MAP3K7CL: variants seen among roughly 807,000 people sequenced by gnomAD.
MAP3K7CL encodes the protein MAP3K7 C-terminal like, also known as MAP3K7 C-terminal-like protein.
In MAP3K7CL, 16 loss-of-function variants were observed where a neutral mutation model predicts 18.6. The ratio of observed to expected loss-of-function variants is 0.86; its 90% confidence interval spans 0.58 to 1.31. The LOEUF is 1.31. Among genes scored for constraint, MAP3K7CL ranks in the 50% most tolerant of loss-of-function variants. MAP3K7CL has a pLI of 0.00. For synonymous variants in MAP3K7CL, 65 were observed against 66.8 expected (o/e 0.97, Z 0.13); for missense variants, 163 against 174.4 (o/e 0.93, Z 0.37).
chr21:29,103,634 C>G (rs1248168057), intron 4 of MAP3K7CL, among the ~76,000 whole-genome samples: 1 of 151,980 alleles, frequency 6.6e-6, no homozygotes, highest in Admixed American at 6.6e-5. Flanking sequence ...ACTTGGGAAG[C>G]TGAGGCAGGA....
upstream of MAP3K7CL, among the ~76,000 whole-genome samples, chr21:29,081,426 G>A (rs2085832893): frequency 6.6e-6 from 1 of 152,196 alleles, no homozygotes; most frequent in Admixed American, 6.5e-5. Context: ...GGTGGCAGGC[G>A]CCTGTAGTCC....
At chr21:29,089,168 C>CAAAAA (rs748166183) in intron 1 of MAP3K7CL, among the ~76,000 whole-genome samples, 1,407 of 68,400 alleles carry the variant, frequency 0.021, 243 homozygotes, top group African/African-American at 0.05. Flanking sequence ...GACTCCGTCT[C>CAAAAA]AAAAAAAAAA....
chr21:29,094,715 G>C (rs2086090719), intron 4 of MAP3K7CL, among the ~76,000 whole-genome samples: 1 of 152,160 alleles, frequency 6.6e-6, no homozygotes. Context: ...TCCCATACCA[G>C]ACTCGGTGCA....
chr21:29,126,457 G>T (rs577339832), upstream of MAP3K7CL, among the ~76,000 whole-genome samples: 14 of 151,984 alleles, frequency 9.2e-5, no homozygotes, highest in South Asian at 2.9e-3. Flanking sequence ...CTGTTTTTTT[G>T]TTTGTTTGTT....
At chr21:29,143,419 C>CT (rs988052481) in intron 2 of MAP3K7CL, among the ~76,000 whole-genome samples, 6 of 150,522 alleles carry the variant, frequency 4.0e-5, no homozygotes, top group African/African-American at 7.3e-5. Flanking sequence ...AACCTAAACA[C>CT]TTTTTTTTTC....
chr21:29,081,057 G>A (rs73899307), upstream of MAP3K7CL, among the ~76,000 whole-genome samples: 453 of 152,112 alleles, frequency 3.0e-3, 1 homozygote, highest in African/African-American at 0.011. Context: ...TATCAGGAAA[G>A]GTTTTAAGAC....
At chr21:29,130,486 A>C (rs998552130), upstream of MAP3K7CL, 4 of 528,254 alleles carry the variant, frequency 7.6e-6, no homozygotes, top group Admixed American at 6.4e-5. Flanking sequence ...CGATTGGGTC[A>C]CGCTGAAGAC....
chr21:29,151,200 G>A (rs1422981916), intron 3 of MAP3K7CL, among the ~76,000 whole-genome samples: 1 of 151,798 alleles, frequency 6.6e-6, no homozygotes, highest in Non-Finnish European at 1.5e-5. Context: ...CATTGGCCCG[G>A]TGCCGTGGCT....
rs572675157 is a variant in MAP3K7CL, at chr21:29,136,988, C to G, written c.70+3574C>G. ...AACACTATTTGTATGATCATTCCAC[C>G]TTGCTGAAATTCAGTTTCCTGTAAG... On this transcript the variant is annotated intron_variant, in intron 2 of 4. Coordinates refer to ENST00000399928, the MANE Select transcript of MAP3K7CL (RefSeq NM_001286620.2). 2.6e-5 allele frequency among the ~76,000 whole-genome samples: 4 copies of G among 152,356 alleles called. No homozygotes were observed. The East Asian group carries it at 5.8e-4, about 22-fold the overall frequency.
At chr21:29,108,680 C>G (rs2086366806) in intron 4 of MAP3K7CL, among the ~76,000 whole-genome samples, 1 of 152,106 alleles carries the variant, frequency 6.6e-6, no homozygotes, top group Non-Finnish European at 1.5e-5. Context: ...CCTCATTTGT[C>G]AAATTAGCAT....
At chr21:29,085,989 T>TG (rs1791407926) in intron 1 of MAP3K7CL, 7 of 1,527,762 alleles carry the variant, frequency 4.6e-6, no homozygotes, top group Non-Finnish European at 6.3e-6. Context: ...GAAAACAGGG[T>TG]GGGAAAAATG....
intron 4 of MAP3K7CL, among the ~76,000 whole-genome samples, chr21:29,093,790 C>T (rs1309621497): frequency 6.6e-6 from 1 of 152,094 alleles, no homozygotes; most frequent in Non-Finnish European, 1.5e-5. Context: ...CGCGCCCGGC[C>T]GAGAAGGACC....
At chr21:29,161,808 G>A (rs1478275752) in intron 4 of MAP3K7CL, among the ~76,000 whole-genome samples, 3 of 152,130 alleles carry the variant, frequency 2.0e-5, no homozygotes, top group East Asian at 3.8e-4. Context: ...AATGGTGGTC[G>A]GACAGTATAG....
intron 3 of MAP3K7CL, among the ~76,000 whole-genome samples, chr21:29,157,447 G>T (rs1042279512): frequency 1.3e-5 from 2 of 152,152 alleles, no homozygotes; most frequent in African/African-American, 4.8e-5. Flanking sequence ...TCAAGTTGAA[G>T]GCTTAGTTTT....
At chr21:29,149,000 G>A (rs963787061) in intron 2 of MAP3K7CL, among the ~76,000 whole-genome samples, 189 bp from the exon 3 acceptor site, 16 of 152,044 alleles carry the variant, frequency 1.1e-4, no homozygotes, top group Non-Finnish European at 1.6e-4. Context: ...TTGTTCAGGC[G>A]ACCTAAGCTC....
intron 4 of MAP3K7CL, among the ~76,000 whole-genome samples, chr21:29,108,286 T>C (rs536326890): frequency 6.6e-6 from 1 of 152,270 alleles, no homozygotes; most frequent in African/African-American, 2.4e-5. Flanking sequence ...AAAGAGGTCA[T>C]GTGAGGACAT....
rs141882395 is a variant in MAP3K7CL at position 29,157,217 on chromosome 21, G to A, written c.133-2724G>A. ...AGTATATTCACATTGTTGTGCAACCGATCTCCAGAACTTTTTCATCTTGCA... is the reference window on the plus strand; with the variant it reads ...AGTATATTCACATTGTTGTGCAACCAATCTCCAGAACTTTTTCATCTTGCA... On this transcript the variant is annotated intron_variant, in intron 3 of 4. Transcript: ENST00000399928. Among the ~76,000 whole-genome samples the A allele has an allele frequency of 5.1e-3, 771 of 152,186 alleles. 8 individuals are homozygous for A. Among genetic ancestry groups the A allele is most frequent in the African/African-American group, 0.018 (732 of 41,516 alleles).
chr21:29,166,379 A>G (rs1601277044), intron 4 of MAP3K7CL, among the ~76,000 whole-genome samples: 1 of 152,318 alleles, frequency 6.6e-6, no homozygotes, highest in African/African-American at 2.4e-5. Context: ...TTGTATAGAT[A>G]TATCACATTA....
chr21:29,090,877 A>G (rs1001678874), intron 1 of MAP3K7CL, among the ~76,000 whole-genome samples: 1 of 152,108 alleles, frequency 6.6e-6, no homozygotes, highest in Non-Finnish European at 1.5e-5. Flanking sequence ...ATATAATGCA[A>G]GCCATATATG....
Sources: gnomAD v4.1 joint callset for allele counts (sites outside exome capture counted in the v4.1 genomes callset) on GRCh38, gnomAD v4.1.1 for gene constraint, MANE v1.5 for transcripts, NCBI Gene and HGNC (gene_info 2026-07-23, HGNC 2026-07-21) for gene names.